ARHGAP39: variants seen among roughly 807,000 people sequenced by gnomAD.
ARHGAP39 encodes Rho GTPase activating protein 39.
A neutral mutation model predicts 106.9 loss-of-function variants in ARHGAP39; 44 were observed. The ratio of observed to expected loss-of-function variants is 0.41; its 90% CI spans 0.32 to 0.53. The LOEUF is 0.53. Ranked by LOEUF, ARHGAP39 falls within the 20% of genes least tolerant of loss-of-function variation. The pLI is 0.21. For missense variants in ARHGAP39, 1,496 were observed against 1,577.3 expected (o/e 0.95, Z 0.87); for synonymous variants, 768 against 693.2 (o/e 1.11, Z -1.69).
chr8:144,566,010 C>T (rs890208569), intron 3 of ARHGAP39, among the ~76,000 whole-genome samples: 33 of 151,756 alleles, frequency 2.2e-4, no homozygotes, highest in African/African-American at 8.0e-4. Context: ...GGGAGGATCG[C>T]TTGAGCCCAG....
At chr8:144,581,331 C>T in intron 2 of ARHGAP39, 54 bp from the exon 3 acceptor site, 3 of 1,485,568 alleles carry the variant, frequency 2.0e-6, no homozygotes, top group Non-Finnish European at 2.7e-6. Context: ...GGGCCCGCGC[C>T]TCCCACCCCT....
At chr8:144,565,098 G>T (rs752718311) in intron 3 of ARHGAP39, among the ~76,000 whole-genome samples, 7 of 151,654 alleles carry the variant, frequency 4.6e-5, no homozygotes, top group Non-Finnish European at 8.8e-5. Context: ...CAACAAGAGT[G>T]AATTCCATCT....
chr8:144,611,924 G>A (rs1298381533), intron 1 of ARHGAP39, among the ~76,000 whole-genome samples: 5 of 151,716 alleles, frequency 3.3e-5, no homozygotes, highest in South Asian at 4.2e-4. Context: ...CAGGAGAATC[G>A]CCTGAATCTG....
intron 1 of ARHGAP39, among the ~76,000 whole-genome samples, chr8:144,606,997 C>CA (rs76285024): frequency 0.062 from 4,248 of 68,734 alleles, 140 homozygotes; most frequent in East Asian, 0.21. Context: ...AACTATTAAG[C>CA]AAAAAAAAAA....
Position 144,685,789 on chromosome 8 carries a change from G to A in ARHGAP39, c.-185C>T, listed in dbSNP as rs1183605633. Among the ~76,000 whole-genome samples the A allele has an allele frequency of 6.8e-6, 1 of 147,758 alleles. No individual in the cohort carries two copies. The highest frequency in any genetic ancestry group is 1.5e-5 in the Non-Finnish European group (1 of 66,304). ...CCGGCCTCTCTGCTGCTCCGCCGCT[G>A]CTGCCGCGGCAGCCCGTGCTGTCGG... On this transcript the variant is annotated 5_prime_UTR_variant, in exon 1 of 12. Transcript: ENST00000377307.
chr8:144,606,273 C>T lies in ARHGAP39; in HGVS notation c.-81-578G>A, dbSNP rs142267929. On this transcript the variant is annotated intron_variant, in intron 1 of 11. Transcript: ENST00000377307. ...GTGTACAGTCCATCCTTGAAAAACA[C>T]GGGTCTGAGCCAGGAGGGCCACATA... Among the ~76,000 whole-genome samples the T allele has an allele frequency of 3.0e-3, 463 of 152,292 alleles. 2 individuals carry two copies. Among genetic ancestry groups the T allele is most frequent in the African/African-American group, 5.2e-3 (216 of 41,560 alleles).
chr8:144,582,145 G>C (rs148338636), intron 2 of ARHGAP39, among the ~76,000 whole-genome samples: 1 of 152,336 alleles, frequency 6.6e-6, no homozygotes, highest in Non-Finnish European at 1.5e-5. Context: ...AGAAGGGGAG[G>C]CAAGTGGTGA....
Position 144,563,633 on chromosome 8 carries a change from T to A in ARHGAP39, c.513-7990A>T, listed in dbSNP as rs535876487. Among the ~76,000 whole-genome samples the A allele has an allele frequency of 1.0e-2, 1,497 of 150,136 alleles. 12 individuals are homozygous for A. The highest frequency in any genetic ancestry group is 0.015 in the Non-Finnish European group (1,020 of 67,366). On this transcript the variant is annotated intron_variant, in intron 3 of 11. Coordinates refer to ENST00000377307, the MANE Select transcript of ARHGAP39 (RefSeq NM_025251.3). ...AGACCTTATCTCTATAAAAAAAAAA[T>A]AATAATAATAAAAGAAAATTAGCTG...
chr8:144,582,017 G>A (rs1231059450), intron 2 of ARHGAP39, among the ~76,000 whole-genome samples: 1 of 152,132 alleles, frequency 6.6e-6, no homozygotes, highest in East Asian at 1.9e-4. Context: ...CCTGGTCCTC[G>A]CCATCACCGG....
intron 2 of ARHGAP39, among the ~76,000 whole-genome samples, chr8:144,600,650 G>A (rs1434650579): frequency 1.3e-5 from 2 of 150,192 alleles, no homozygotes; most frequent in East Asian, 4.0e-4. Flanking sequence ...GCGTGTGCAT[G>A]GAGGTGTGCG....
intron 1 of ARHGAP39, among the ~76,000 whole-genome samples, chr8:144,661,851 A>C: frequency 1.4e-5 from 2 of 147,304 alleles, no homozygotes; most frequent in African/African-American, 2.5e-5. Context: ...CCCATTATCC[A>C]CCTCGAACTG....
chr8:144,576,128 G>A lies in ARHGAP39; in HGVS notation c.512+4718C>T, dbSNP rs755743820. Among the ~76,000 whole-genome samples, 4 of 151,914 alleles carry A rather than the reference G, an allele frequency of 2.6e-5. No individual in the cohort carries two copies. The South Asian group carries it at 6.2e-4, about 24-fold the overall frequency. ...GGGCAGATCATGAGGTTAAGAGATC[G>A]AGACCAGCCCAGCCACCAACATGGT... On this transcript the variant is annotated intron_variant, in intron 3 of 11. Coordinates refer to ENST00000377307, the MANE Select transcript of ARHGAP39 (RefSeq NM_025251.3).
chr8:144,611,826 G>C (rs1049797888), intron 1 of ARHGAP39, among the ~76,000 whole-genome samples: 5 of 152,146 alleles, frequency 3.3e-5, no homozygotes, highest in South Asian at 4.2e-4. Context: ...GACCAGCCTG[G>C]GCAACATAGC....
At chr8:144,549,302 G>A (rs1464268762) in intron 4 of ARHGAP39, among the ~76,000 whole-genome samples, 1 of 152,236 alleles carries the variant, frequency 6.6e-6, no homozygotes, top group Non-Finnish European at 1.5e-5. Context: ...ACGCTGCCAG[G>A]GAGAGACGAG....
At chr8:144,582,502 G>A (rs1348095386) in intron 2 of ARHGAP39, among the ~76,000 whole-genome samples, 1 of 152,252 alleles carries the variant, frequency 6.6e-6, no homozygotes, top group Non-Finnish European at 1.5e-5. Flanking sequence ...ATGCAGATGA[G>A]CAGCTGAGAA....
At chr8:144,574,378 T>C (rs2130888849) in intron 3 of ARHGAP39, among the ~76,000 whole-genome samples, 1 of 150,216 alleles carries the variant, frequency 6.7e-6, no homozygotes, top group East Asian at 2.0e-4. Context: ...CTATAAAAAA[T>C]AAAAAAATTA....
chr8:144,535,454 C>T (rs1816916932), intron 7 of ARHGAP39, among the ~76,000 whole-genome samples: 1 of 152,248 alleles, frequency 6.6e-6, no homozygotes, highest in Non-Finnish European at 1.5e-5. Flanking sequence ...TCTGGGCAGG[C>T]TATGAGGTAC....
chr8:144,609,026 A>T (rs537802955), intron 1 of ARHGAP39, among the ~76,000 whole-genome samples: 86 of 152,342 alleles, frequency 5.6e-4, no homozygotes, highest in African/African-American at 1.9e-3. Context: ...CTTCCTTTCC[A>T]AACTAGATCC....
Position 144,529,306 on chromosome 8 carries a change from C to G in ARHGAP39, c.*1116G>C. 1.1e-5 allele frequency: 2 copies of G among 185,414 alleles called. No homozygotes were observed. The highest frequency in any genetic ancestry group is 1.3e-4 in the East Asian group (1 of 7,496). 11.5% of individuals were successfully genotyped at this position (185,414 alleles called of 1,614,324 possible). Reference sequence around the variant, plus strand: ...CCGACTGAGGACGCCGCCCAGGCCTCGGCAGGGCTGGGGCTTTTGTTTTTA... The same window carrying G: ...CCGACTGAGGACGCCGCCCAGGCCTGGGCAGGGCTGGGGCTTTTGTTTTTA... On this transcript the variant is annotated 3_prime_UTR_variant, in exon 12 of 12. Transcript: ENST00000377307.
Sources: allele counts gnomAD v4.1 joint callset (sites outside exome capture counted in the v4.1 genomes callset), GRCh38; gene constraint gnomAD v4.1.1; transcripts MANE v1.5; gene names NCBI Gene and HGNC (gene_info 2026-07-23, HGNC 2026-07-21).